ANK2: variants seen among roughly 807,000 people sequenced by gnomAD.
The protein encoded by ANK2 is ankyrin 2.
A neutral mutation model predicts 360.5 loss-of-function variants in ANK2; 83 were observed. The observed-to-expected ratio is 0.23, with a 90% confidence interval of 0.19 to 0.28. The LOEUF (loss-of-function observed/expected upper bound fraction) is 0.28. Ranked by LOEUF, ANK2 falls within the 10% of genes least tolerant of loss-of-function variation. The pLI is 1.00. For synonymous variants in ANK2, 1,740 were observed against 1,759.5 expected (o/e 0.99, Z 0.28); for missense variants, 4,201 against 4,795.7 (o/e 0.88, Z 3.66).
chr4:112,747,065 A>C, the ANK2 span, among the ~76,000 whole-genome samples: 1 of 152,336 alleles, frequency 6.6e-6, no homozygotes, highest in African/African-American at 2.4e-5. Context: ...TTTTCTAAAA[A>C]AGAAGGGAGC....
At chr4:113,151,897 T>A (rs1192521239) in intron 1 of ANK2, among the ~76,000 whole-genome samples, 1 of 110,070 alleles carries the variant, frequency 9.1e-6, no homozygotes, top group Non-Finnish European at 1.8e-5. Context: ...AAACCCCATC[T>A]CTACAAAAAA....
intron 4 of ANK2, among the ~76,000 whole-genome samples, chr4:113,225,635 C>T (rs906796033): frequency 6.6e-6 from 1 of 152,018 alleles, no homozygotes; most frequent in Non-Finnish European, 1.5e-5. Context: ...GGTGTTAAAC[C>T]ATTCATTACC....
the ANK2 span, among the ~76,000 whole-genome samples, chr4:112,769,360 G>C: frequency 1.0e-3 from 158 of 152,270 alleles, no homozygotes; most frequent in African/African-American, 3.2e-3. Flanking sequence ...GTCAGAGTCG[G>C]GGAAGACTAA....
Position 113,071,137 on chromosome 4 carries a change from A to G in ANK2, c.84+21325A>G, listed in dbSNP as rs371424854. Among the ~76,000 whole-genome samples the G allele has an allele frequency of 5.3e-5, 8 of 152,212 alleles. No individual in the cohort carries two copies. In the East Asian group the frequency reaches 1.5e-3, roughly 29 times the overall value. On this transcript the variant is annotated intron_variant, in intron 1 of 45. Transcript: ENST00000357077. ...TAGTCCTAAAATAATTACTGCTTCT[A>G]ATATAGACTGCACATGATTTAATTA...
At chr4:113,157,190 T>C (rs956052081) in intron 1 of ANK2, among the ~76,000 whole-genome samples, 1 of 152,190 alleles carries the variant, frequency 6.6e-6, no homozygotes, top group Non-Finnish European at 1.5e-5. Flanking sequence ...TTTAGTGTTA[T>C]AGTTTCTTAA....
chr4:112,875,863 T>C (rs543581859), intron 1 of ANK2, among the ~76,000 whole-genome samples: 2 of 151,730 alleles, frequency 1.3e-5, no homozygotes, highest in African/African-American at 4.8e-5. Context: ...CACTTCAGCC[T>C]CCCAAGTAGC....
chr4:113,358,411 G>C lies in ANK2; in HGVS notation c.9793G>C (p.Val3265Leu). The part of the protein sequence containing the change: ...QLDFSTLTRS[V>L]YSDRGDDSPD... ...AGATTTTTCCACACTCACCAGGTCTGTTTATTCAGATAGGGGTGATGATTC... is the reference window on the plus strand; with the variant it reads ...AGATTTTTCCACACTCACCAGGTCTCTTTATTCAGATAGGGGTGATGATTC... The change falls in exon 38 of 46, where the codon GTT (valine) becomes CTT (leucine). Residue 3265 changes from valine to leucine, a missense_variant. Around this residue, in one of 4 missense-constraint regions of ANK2, gnomAD observed 2,642 missense variants for 2,714.5 expected, o/e 0.97. Transcript: ENST00000357077. 6.2e-7 allele frequency: 1 copy of C among 1,614,090 alleles called. No individual in the cohort carries two copies. Among genetic ancestry groups the C allele is most frequent in the Non-Finnish European group, 8.5e-7 (1 of 1,179,968 alleles).
At chr4:113,045,077 G>A (rs902887784), upstream of ANK2, among the ~76,000 whole-genome samples, 4 of 152,090 alleles carry the variant, frequency 2.6e-5, no homozygotes, top group Admixed American at 2.0e-4. Context: ...ACTCACAAAT[G>A]GAGATAATCT....
intron 1 of ANK2, among the ~76,000 whole-genome samples, chr4:113,094,822 TAA>T (rs1028752542): frequency 6.6e-6 from 1 of 152,210 alleles, no homozygotes; most frequent in Non-Finnish European, 1.5e-5. Flanking sequence ...TTTCAAAAAT[TAA>T]GTTAGATTTG....
intron 2 of ANK2, among the ~76,000 whole-genome samples, chr4:112,941,845 C>T (rs954460364): frequency 4.9e-4 from 74 of 150,294 alleles, no homozygotes; most frequent in African/African-American, 4.6e-4. Context: ...GGAAGCTGTA[C>T]ATCAAAATTT....
At chr4:112,777,730 G>C in the ANK2 span, among the ~76,000 whole-genome samples, 500 of 149,144 alleles carry the variant, frequency 3.4e-3, 2 homozygotes, top group African/African-American at 0.012. Flanking sequence ...CGATTCTCCT[G>C]CCTCAGCCTC....
chr4:112,783,885 G>A, the ANK2 span, among the ~76,000 whole-genome samples: 157 of 151,912 alleles, frequency 1.0e-3, no homozygotes, highest in African/African-American at 3.2e-3. Flanking sequence ...TCCTGACCTC[G>A]TGATCCGACC....
At chr4:112,755,204 T>C in the ANK2 span, among the ~76,000 whole-genome samples, 1 of 152,240 alleles carries the variant, frequency 6.6e-6, no homozygotes, top group Non-Finnish European at 1.5e-5. Context: ...ACATTCTGGA[T>C]ATGTCTCATT....
chr4:113,063,189 T>C (rs183691790), intron 1 of ANK2, among the ~76,000 whole-genome samples: 32 of 152,216 alleles, frequency 2.1e-4, no homozygotes, highest in Non-Finnish European at 2.1e-4. Context: ...TGGGTGTTGC[T>C]AAATAATGGA....
chr4:113,228,314 G>A (rs1466631284), intron 4 of ANK2, among the ~76,000 whole-genome samples: 2 of 152,130 alleles, frequency 1.3e-5, no homozygotes, highest in African/African-American at 4.8e-5. Context: ...TGCCCAATTT[G>A]TAGTCTTTAT....
chr4:113,194,373 A>C (rs914943683), intron 2 of ANK2, among the ~76,000 whole-genome samples: 1 of 152,162 alleles, frequency 6.6e-6, no homozygotes, highest in Non-Finnish European at 1.5e-5. Context: ...TTTATTGGCT[A>C]TCTGTTCTAC....
At chr4:112,881,650 T>C in intron 1 of ANK2, 1 of 420,802 alleles carries the variant, frequency 2.4e-6, no homozygotes, top group Non-Finnish European at 4.3e-6. Flanking sequence ...GCTTTACACT[T>C]TCCACAGAAC....
At chr4:113,274,309 G>T in intron 14 of ANK2, 143 bp from the exon 15 acceptor site, 1 of 916,376 alleles carries the variant, frequency 1.1e-6, no homozygotes. Context: ...TATAAAATAT[G>T]CCATGGTTAA....
intron 1 of ANK2, among the ~76,000 whole-genome samples, chr4:113,119,795 T>C (rs932415185): frequency 2.6e-5 from 4 of 152,150 alleles, no homozygotes; most frequent in African/African-American, 9.6e-5. Flanking sequence ...TTTTGAAGGA[T>C]TTTTACCAAG....
Sources: gnomAD v4.1 joint callset for allele counts (sites outside exome capture counted in the v4.1 genomes callset) on GRCh38, gnomAD v4.1.1 for gene constraint, gnomAD v4.1.1 regional missense constraint, MANE v1.5 for transcripts, NCBI Gene and HGNC (gene_info 2026-07-23, HGNC 2026-07-21) for gene names.